Variants in HEATR4 observed in about 807,000 individuals in gnomAD.
The protein encoded by HEATR4 is HEAT repeat containing 4.
Under a neutral mutation model 108.8 loss-of-function variants are expected in HEATR4, and 95 were observed. The ratio of observed to expected loss-of-function variants is 0.87; its 90% CI spans 0.74 to 1.04. HEATR4 has a LOEUF of 1.04. HEATR4 is among the 50% of genes least tolerant of loss of function. The pLI is 0.00. For synonymous variants in HEATR4, 443 were observed against 459.4 expected (o/e 0.96, Z 0.46); for missense variants, 1,152 against 1,253.8 (o/e 0.92, Z 1.23).
At chr14:73,560,425 A>C (rs772887804), upstream of HEATR4, among the ~76,000 whole-genome samples, 1 of 152,048 alleles carries the variant, frequency 6.6e-6, no homozygotes, top group Admixed American at 6.6e-5. Context: ...GCACTTTGGG[A>C]GGCAAGTTGG....
At chr14:73,606,568 C>G in the HEATR4 span, among the ~76,000 whole-genome samples, 1 of 152,098 alleles carries the variant, frequency 6.6e-6, no homozygotes, top group Non-Finnish European at 1.5e-5. Flanking sequence ...AATCAGCTCT[C>G]TCTAGGAAGC....
At chr14:73,612,029 G>A in the HEATR4 span, among the ~76,000 whole-genome samples, 2 of 151,790 alleles carry the variant, frequency 1.3e-5, no homozygotes, top group African/African-American at 2.4e-5. Flanking sequence ...TGGATTGCAG[G>A]AATAGTCATT....
the HEATR4 span, among the ~76,000 whole-genome samples, chr14:73,589,859 T>TA: frequency 7.9e-5 from 12 of 152,110 alleles, no homozygotes; most frequent in African/African-American, 2.9e-4. Context: ...GTTCGTGGTC[T>TA]TGCTGGCTCA....
chr14:73,590,634 A>C, the HEATR4 span, among the ~76,000 whole-genome samples: 2 of 152,166 alleles, frequency 1.3e-5, no homozygotes. Flanking sequence ...GCGGGGAGGC[A>C]GCTAAGGCCC....
the HEATR4 span, among the ~76,000 whole-genome samples, chr14:73,621,176 G>GT: frequency 6.6e-6 from 1 of 152,082 alleles, no homozygotes; most frequent in South Asian, 2.1e-4. Flanking sequence ...TCGCGCCACT[G>GT]CCCTCCAGCC....
At chr14:73,510,299 T>C (rs892609504) in intron 7 of HEATR4, among the ~76,000 whole-genome samples, 1 of 152,152 alleles carries the variant, frequency 6.6e-6, no homozygotes. Context: ...GGAGTCTTTT[T>C]TGGTTCAACT....
chr14:73,529,354 C>A (rs1293512436), intron 2 of HEATR4, among the ~76,000 whole-genome samples: 247 of 87,286 alleles, frequency 2.8e-3, no homozygotes, highest in South Asian at 4.8e-3. Context: ...GACTCTGTCT[C>A]AAAAAAAAAA....
chr14:73,610,290 C>CTTTT, the HEATR4 span, among the ~76,000 whole-genome samples: 2 of 140,448 alleles, frequency 1.4e-5, no homozygotes, highest in Non-Finnish European at 1.5e-5. Context: ...TCAAGTGTCG[C>CTTTT]TTTTTTTTTT....
chr14:73,522,340 C>T lies in HEATR4; in HGVS notation c.813G>A (p.Glu271=). ...GTGGGGGCAGGATGACACTTTGATCCTCAAACTCTGCTGTCTCTTCTGCCT... is the reference window on the plus strand; with the variant it reads ...GTGGGGGCAGGATGACACTTTGATCTTCAAACTCTGCTGTCTCTTCTGCCT... The part of the protein sequence containing the change: ...QLEAEETAEF[E]DQSVILPPQE... The change falls in exon 3 of 18, where the codon GAG becomes GAA. Residue 271 remains glutamate, a synonymous_variant. Coordinates refer to ENST00000553558, the MANE Select transcript of HEATR4 (RefSeq NM_001220484.1). The T allele has an allele frequency of 6.2e-7, 1 of 1,614,230 alleles. No individual in the cohort carries two copies. The highest frequency in any genetic ancestry group is 8.5e-7 in the Non-Finnish European group (1 of 1,180,034).
At chr14:73,491,380 C>G (rs773655622) in intron 17 of HEATR4, 1 of 1,356,114 alleles carries the variant, frequency 7.4e-7, no homozygotes, top group Non-Finnish European at 9.4e-7. Context: ...CGTCGGCGCG[C>G]CTGGTGCCCG....
Position 73,514,201 on chromosome 14 carries a change from G to C in HEATR4, c.1244C>G (p.Thr415Ser), listed in dbSNP as rs746934893. The change falls in exon 6 of 18, where the codon ACT becomes AGT. Residue 415 changes from threonine (T) to serine (S), a missense_variant. Physicochemically the swap from Thr to Ser is moderately conservative, Grantham distance 58 (BLOSUM62 1). Transcript: ENST00000553558. ...YRPVQGALRWTALPTPAKDML... is the reference protein window; with the variant it reads ...YRPVQGALRWSALPTPAKDML... Reference sequence around the variant, plus strand: ...ATCCTTGGCGGGGGTGGGCAAAGCAGTCCAGCGCAGGGCTCCTTGCACAGG... The same window carrying C: ...ATCCTTGGCGGGGGTGGGCAAAGCACTCCAGCGCAGGGCTCCTTGCACAGG... 107 of 1,614,174 alleles carry C rather than the reference G, an allele frequency of 6.6e-5. No homozygotes were observed. The highest frequency in any genetic ancestry group is 8.7e-5 in the Non-Finnish European group (103 of 1,180,038).
At position 73,514,173 on chromosome 14, in the gene HEATR4, C is replaced by T; in HGVS notation, c.1272G>A (p.Met424Ile). 1.2e-6 allele frequency: 2 copies of T among 1,614,206 alleles called. No individual in the cohort carries two copies. Among genetic ancestry groups the T allele is most frequent in the East Asian group, 4.5e-5 (2 of 44,888 alleles). Residue 424 changes from methionine to isoleucine, a missense_variant, in exon 6 of 18, where the codon ATG becomes ATA. Coordinates refer to ENST00000553558, the MANE Select transcript of HEATR4 (RefSeq NM_001220484.1). ...WTALPTPAKD[M>I]LLQVGEKDVP... ...CATCCTTCTCACCCACCTGCAGCAG[C>T]ATATCCTTGGCGGGGGTGGGCAAAG...
the HEATR4 span, among the ~76,000 whole-genome samples, chr14:73,615,776 G>A: frequency 2.6e-5 from 4 of 151,938 alleles, no homozygotes; most frequent in Admixed American, 6.6e-5. Context: ...AACAGGCTGA[G>A]TGCAGTGGCT....
At chr14:73,615,169 C>T in the HEATR4 span, among the ~76,000 whole-genome samples, 217 of 147,848 alleles carry the variant, frequency 1.5e-3, no homozygotes, top group Non-Finnish European at 2.7e-3. Context: ...GGGTGGATCA[C>T]GAGGTCAGGA....
At chr14:73,577,684 A>G in the HEATR4 span, among the ~76,000 whole-genome samples, 1 of 152,114 alleles carries the variant, frequency 6.6e-6, no homozygotes, top group African/African-American at 2.4e-5. Flanking sequence ...CCTATTCCCC[A>G]TTCTTAGAAA....
chr14:73,595,813 T>A, the HEATR4 span: 2 of 871,728 alleles, frequency 2.3e-6, no homozygotes, highest in Non-Finnish European at 3.2e-6. Context: ...TCGTTAGTTT[T>A]ACTAATGTAA....
At chr14:73,614,878 CCT>C in the HEATR4 span, among the ~76,000 whole-genome samples, 2 of 150,650 alleles carry the variant, frequency 1.3e-5, no homozygotes, top group African/African-American at 2.4e-5. Context: ...AGGTGGATCA[CCT>C]GAGGTCAGGA....
chr14:73,574,836 G>A, the HEATR4 span: 1 of 1,607,906 alleles, frequency 6.2e-7, no homozygotes, highest in Non-Finnish European at 8.5e-7. Flanking sequence ...TAACTTCCAG[G>A]GTGGACACAA....
At position 73,478,585 on chromosome 14, in the gene HEATR4, G is replaced by C; in HGVS notation, c.*21C>G. On this transcript the variant is annotated 3_prime_UTR_variant, in exon 18 of 18. Transcript: ENST00000553558. ...CCAGGTCCACTGCTTCCTGCATCTT[G>C]AAGTAAGACAAGTGTTCAGCTTAGA... 6.5e-7 allele frequency: 1 copy of C among 1,527,976 alleles called. No homozygotes were observed. The highest frequency in any genetic ancestry group is 9.1e-7 in the Non-Finnish European group (1 of 1,103,852). 94.7% of individuals were successfully genotyped at this position (1,527,976 alleles called of 1,614,324 possible).
Sources: gnomAD v4.1 joint callset for allele counts (sites outside exome capture counted in the v4.1 genomes callset) on GRCh38, gnomAD v4.1.1 for gene constraint, MANE v1.5 for transcripts, NCBI Gene and HGNC (gene_info 2026-07-23, HGNC 2026-07-21) for gene names.